Variants in MRTFA observed in about 807,000 individuals in gnomAD.
The protein encoded by MRTFA is myocardin related transcription factor A.
Under a neutral mutation model 83.5 loss-of-function variants are expected in MRTFA, and 20 were observed. The observed-to-expected ratio is 0.24, with a 90% confidence interval of 0.17 to 0.35. The LOEUF is 0.35. Ranked by LOEUF, MRTFA falls within the 10% of genes least tolerant of loss-of-function variation. MRTFA has a pLI of 1.00. For missense variants in MRTFA, 1,200 were observed against 1,224.7 expected (o/e 0.98, Z 0.30); for synonymous variants, 659 against 541.2 (o/e 1.22, Z -3.02).
At chr22:40,587,184 G>T (rs2056044002) in intron 2 of MRTFA, 3 of 458,816 alleles carry the variant, frequency 6.5e-6, no homozygotes, top group African/African-American at 6.0e-5. Flanking sequence ...TGCAAAGATT[G>T]CAGTTACTCT....
At chr22:40,500,012 G>A (rs1223154693) in intron 3 of MRTFA, among the ~76,000 whole-genome samples, 1 of 135,622 alleles carries the variant, frequency 7.4e-6, no homozygotes, top group African/African-American at 2.8e-5. Flanking sequence ...TCACCGCAAC[G>A]TCCGCCTCCA....
At chr22:40,603,010 A>C (rs2056278053) in intron 1 of MRTFA, among the ~76,000 whole-genome samples, 1 of 152,214 alleles carries the variant, frequency 6.6e-6, no homozygotes, top group Non-Finnish European at 1.5e-5. Context: ...ATATTTGCTG[A>C]AAAAATAGTG....
At chr22:40,443,404 G>A (rs1335246172) in intron 4 of MRTFA, among the ~76,000 whole-genome samples, 1 of 152,116 alleles carries the variant, frequency 6.6e-6, no homozygotes, top group Non-Finnish European at 1.5e-5. Context: ...AGTAGATACT[G>A]TAAGGTGGAG....
Position 40,435,535 on chromosome 22 carries a change from T to C in MRTFA, c.327A>G (p.Ala109=). The C allele has an allele frequency of 6.2e-7, 1 of 1,614,162 alleles. No individual in the cohort carries two copies. Among genetic ancestry groups the C allele is most frequent in the South Asian group, 1.1e-5 (1 of 91,084 alleles). Residue 109 remains alanine (A), a synonymous_variant, in exon 5 of 15, where the codon GCA becomes GCG. Coordinates refer to ENST00000355630, the MANE Select transcript of MRTFA (RefSeq NM_020831.6). ...CCAAGCTCCTTCTCTGCTCATGAAA[T>C]GCGGCTGGACTTTTCAAAGCTGTTG...
intron 3 of MRTFA, among the ~76,000 whole-genome samples, chr22:40,547,524 T>C (rs2055383934): frequency 6.6e-6 from 1 of 152,024 alleles, no homozygotes; most frequent in Admixed American, 6.6e-5. Flanking sequence ...AAGAAGTCAG[T>C]GTGCCTGGGA....
intron 1 of MRTFA, among the ~76,000 whole-genome samples, chr22:40,619,853 G>GCA (rs1163079099): frequency 1.5e-5 from 2 of 135,030 alleles, no homozygotes; most frequent in Non-Finnish European, 3.1e-5. Flanking sequence ...TCACACCACT[G>GCA]CACTCCAGCC....
At chr22:40,423,448 A>G (rs2052884587) in intron 9 of MRTFA, 88 bp downstream of exon 9, 2 of 1,229,378 alleles carry the variant, frequency 1.6e-6, no homozygotes, top group East Asian at 5.6e-5. Flanking sequence ...CACACCCTCT[A>G]CAGCTGTCCC....
At chr22:40,520,672 A>G (rs1390454934) in intron 3 of MRTFA, among the ~76,000 whole-genome samples, 1 of 152,158 alleles carries the variant, frequency 6.6e-6, no homozygotes, top group Non-Finnish European at 1.5e-5. Context: ...CTCCCAAAGT[A>G]CTGGGATTAT....
At chr22:40,415,808 C>T (rs1208911369) in intron 14 of MRTFA, among the ~76,000 whole-genome samples, 2 of 152,096 alleles carry the variant, frequency 1.3e-5, no homozygotes, top group Non-Finnish European at 2.9e-5. Flanking sequence ...CTGTTGTGCC[C>T]ATGATGCCTA....
At chr22:40,604,235 A>G (rs932984230) in intron 1 of MRTFA, among the ~76,000 whole-genome samples, 3 of 150,040 alleles carry the variant, frequency 2.0e-5, no homozygotes, top group Non-Finnish European at 4.4e-5. Flanking sequence ...GGTTCACGCC[A>G]TTCTCCTGCC....
At chr22:40,427,129 G>C (rs2052970540) in intron 7 of MRTFA, among the ~76,000 whole-genome samples, 1 of 152,188 alleles carries the variant, frequency 6.6e-6, no homozygotes, top group Non-Finnish European at 1.5e-5. Context: ...ACACTGCTGA[G>C]TCTCAGCACA....
chr22:40,484,326 G>A (rs2054140249), intron 3 of MRTFA, among the ~76,000 whole-genome samples: 1 of 152,144 alleles, frequency 6.6e-6, no homozygotes, highest in Non-Finnish European at 1.5e-5. Flanking sequence ...TAAACTTCAT[G>A]TAGTGTCTGA....
intron 4 of MRTFA, chr22:40,436,272 C>A (rs997129778): frequency 2.6e-5 from 4 of 154,374 alleles, no homozygotes; most frequent in African/African-American, 9.6e-5. Flanking sequence ...CAGATGCATG[C>A]CAAATTAACC....
chr22:40,501,918 A>C (rs2054485537), intron 3 of MRTFA, among the ~76,000 whole-genome samples: 2 of 69,434 alleles, frequency 2.9e-5, no homozygotes, highest in Non-Finnish European at 2.8e-5. Context: ...CTCACTTCCC[A>C]GTAGGGGCGG....
chr22:40,599,908 A>T (rs2056238149), intron 1 of MRTFA, among the ~76,000 whole-genome samples: 1 of 151,966 alleles, frequency 6.6e-6, no homozygotes, highest in South Asian at 2.1e-4. Flanking sequence ...GTCTTTAAAA[A>T]AAAAAAAAGA....
chr22:40,605,107 T>C (rs941406677), intron 1 of MRTFA, among the ~76,000 whole-genome samples: 4 of 152,216 alleles, frequency 2.6e-5, no homozygotes, highest in Non-Finnish European at 5.9e-5. Context: ...TATTTCTTTA[T>C]GAAGTAACCA....
At chr22:40,463,945 A>T (rs1317950299) in intron 3 of MRTFA, among the ~76,000 whole-genome samples, 1 of 152,036 alleles carries the variant, frequency 6.6e-6, no homozygotes, top group Admixed American at 6.6e-5. Flanking sequence ...TGTTTCTCTT[A>T]TTTTCACTCT....
At chr22:40,591,822 G>A (rs1420603479) in intron 2 of MRTFA, among the ~76,000 whole-genome samples, 2 of 152,110 alleles carry the variant, frequency 1.3e-5, no homozygotes, top group Non-Finnish European at 1.5e-5. Context: ...TCAATAGACA[G>A]AAAAATAAAA....
At chr22:40,548,438 G>C (rs1036730520) in intron 3 of MRTFA, among the ~76,000 whole-genome samples, 1 of 151,432 alleles carries the variant, frequency 6.6e-6, no homozygotes. Flanking sequence ...GTTAGGAAAG[G>C]CTTCAAGAAG....
Sources: allele counts gnomAD v4.1 joint callset (sites outside exome capture counted in the v4.1 genomes callset), GRCh38; gene constraint gnomAD v4.1.1; transcripts MANE v1.5; gene names NCBI Gene and HGNC (gene_info 2026-07-23, HGNC 2026-07-21).